The following ACSM3 variants were observed in gnomAD, a reference collection of about 807,000 sequenced individuals.
ACSM3 encodes the protein acyl-coenzyme A synthetase ACSM3, mitochondrial.
A neutral mutation model predicts 74.1 loss-of-function variants in ACSM3; 61 were observed. That is an observed-to-expected ratio of 0.82 (90% CI 0.67 to 1.02). ACSM3 has a LOEUF of 1.02. ACSM3 is among the 50% of genes least tolerant of loss of function. The pLI is 0.00. For synonymous variants in ACSM3, 213 were observed against 241.5 expected (o/e 0.88, Z 1.09); for missense variants, 660 against 697.0 (o/e 0.95, Z 0.60).
In ACSM3 at chr16:20,781,103, C is replaced by T. The variant is rs145742097; in HGVS notation, c.912C>T (p.Pro304=). Residue 304 remains proline, a synonymous_variant, in exon 6 of 14, where the codon CCC becomes CCT. Transcript: ENST00000289416. The part of the protein sequence containing the change: ...QGACVFTHHL[P]RFEPTSILQT... ...CATGTGTATTCACACACCATTTACC[C>T]CGTTTTGAGCCGACTTCTATCTTGC... 2.7e-4 allele frequency: 436 copies of T among 1,613,994 alleles called. 3 individuals carry two copies. In the African/African-American group the frequency reaches 5.2e-3, roughly 19 times the overall value.
intron 1 of ACSM3, among the ~76,000 whole-genome samples, chr16:20,725,788 A>G (rs2079802787): frequency 1.3e-5 from 2 of 152,186 alleles, no homozygotes; most frequent in Admixed American, 6.5e-5. Context: ...CCTGGCCAAC[A>G]TGGCAAAACC....
At chr16:20,718,067 G>A (rs949854136) in intron 1 of ACSM3, among the ~76,000 whole-genome samples, 1 of 151,676 alleles carries the variant, frequency 6.6e-6, no homozygotes, top group Non-Finnish European at 1.5e-5. Flanking sequence ...AAATTTTTTA[G>A]CAGGGACTGA....
chr16:20,708,824 A>G (rs1345066098), intron 1 of ACSM3, among the ~76,000 whole-genome samples: 1 of 152,276 alleles, frequency 6.6e-6, no homozygotes, highest in Non-Finnish European at 1.5e-5. Flanking sequence ...TGCTTGAACA[A>G]AAAGAGAAAA....
In ACSM3 at chr16:20,685,204, C is replaced by T. The variant is rs769415099; in HGVS notation, c.-190+10382C>T. 2 of 1,614,184 alleles carry T rather than the reference C, an allele frequency of 1.2e-6. No individual in the cohort carries two copies. Among genetic ancestry groups the T allele is most frequent in the East Asian group, 4.5e-5 (2 of 44,874 alleles). ...CTTGCATCACTGACCTGTTCGCATG[C>T]AGCCCACAGCCACCAGCCACCACTC... On this transcript the variant is annotated intron_variant, in intron 1 of 3. Coordinates refer to the ACSM3 transcript ENST00000561584.
intron 1 of ACSM3, among the ~76,000 whole-genome samples, chr16:20,689,699 T>C (rs2079618028): frequency 6.6e-6 from 1 of 152,242 alleles, no homozygotes; most frequent in Non-Finnish European, 1.5e-5. Context: ...TATATAGTAA[T>C]GTTCACCCAT....
chr16:20,700,648 T>C (rs2079710661), intron 1 of ACSM3, among the ~76,000 whole-genome samples: 1 of 151,850 alleles, frequency 6.6e-6, no homozygotes, highest in Non-Finnish European at 1.5e-5. Flanking sequence ...TTAAGGATCT[T>C]TATGGACATA....
chr16:20,703,739 C>G (rs2152362525), intron 1 of ACSM3: 1 of 152,354 alleles, frequency 6.6e-6, no homozygotes, highest in East Asian at 1.9e-4. Context: ...CCAGCCTGGT[C>G]TTGAACTTCT....
At position 20,790,924 on chromosome 16, in the gene ACSM3, G is replaced by A. The variant is rs1395933998; in HGVS notation, c.1326+236G>A. On this transcript the variant is annotated intron_variant, in intron 10 of 13. Coordinates refer to ENST00000289416, the MANE Select transcript of ACSM3 (RefSeq NM_005622.4). The surrounding 1 kb of genome is among the most constrained non-coding windows in gnomAD (Gnocchi z 4.0). Reference sequence around the variant, plus strand: ...TGTTCCAGGTCCACGAAGGCAAGAGGAAGGGACCCTAGAAAGAGGACAGCC... The same window carrying A: ...TGTTCCAGGTCCACGAAGGCAAGAGAAAGGGACCCTAGAAAGAGGACAGCC... 1 of 1,613,888 alleles carries A rather than the reference G, an allele frequency of 6.2e-7. No individual in the cohort carries two copies. The highest frequency in any genetic ancestry group is 1.1e-5 in the South Asian group (1 of 91,086).
intron 12 of ACSM3, among the ~76,000 whole-genome samples, chr16:20,794,075 T>G (rs2080666163): frequency 6.6e-6 from 1 of 152,158 alleles, no homozygotes; most frequent in Admixed American, 6.5e-5. Context: ...GTAGAAGATG[T>G]GAGTGGGTAT....
chr16:20,685,445 GA>G, intron 1 of ACSM3: 1 of 1,584,330 alleles, frequency 6.3e-7, no homozygotes, highest in Non-Finnish European at 8.7e-7. Context: ...CTGCTTCAAA[GA>G]AAAAGGGCAC....
intron 1 of ACSM3, chr16:20,729,373 A>G: frequency 7.5e-7 from 1 of 1,332,436 alleles, no homozygotes; most frequent in Non-Finnish European, 1.1e-6. Flanking sequence ...TAGATTTGCC[A>G]CTCTTAAGAG....
intron 12 of ACSM3, among the ~76,000 whole-genome samples, chr16:20,794,674 C>T (rs1391496130): frequency 2.0e-5 from 3 of 152,162 alleles, no homozygotes; most frequent in Admixed American, 6.5e-5. Context: ...AAGACTACAA[C>T]TAAGAGCTAA....
intron 9 of ACSM3, among the ~76,000 whole-genome samples, chr16:20,788,187 T>C (rs1280989601): frequency 1.3e-5 from 2 of 152,178 alleles, no homozygotes; most frequent in Non-Finnish European, 2.9e-5. Flanking sequence ...GGCTTAACAA[T>C]AGTTTGTTGG....
intron 1 of ACSM3, among the ~76,000 whole-genome samples, chr16:20,747,167 G>T (rs1248025266): frequency 6.6e-6 from 1 of 152,132 alleles, no homozygotes. Context: ...ACTATCTGCA[G>T]AGCCAGGGCC....
rs2080723754 is a variant in ACSM3, at chr16:20,796,357, A to G, written c.1555-13A>G. On this transcript the variant is annotated splice_polypyrimidine_tract_variant and intron_variant, in intron 12 of 13. Coordinates refer to ENST00000289416, the MANE Select transcript of ACSM3 (RefSeq NM_005622.4). ...ATAACTCATTTTCCTGGTGTTTCAA[A>G]TATTTATTTTAGGTAGTAAAGGCTT... is the stretch of plus-strand genomic sequence containing the variant. 2.5e-6 allele frequency: 4 copies of G among 1,601,654 alleles called. No homozygotes were observed. In the East Asian group the frequency reaches 6.7e-5, roughly 27 times the overall value.
chr16:20,762,701 C>T (rs990555796), upstream of ACSM3, among the ~76,000 whole-genome samples: 1 of 152,158 alleles, frequency 6.6e-6, no homozygotes, highest in Admixed American at 6.5e-5. Flanking sequence ...AGAAAAAACA[C>T]TTGCCAAAAT....
chr16:20,682,902 CT>C (rs957454942), intron 1 of ACSM3, among the ~76,000 whole-genome samples: 1 of 152,134 alleles, frequency 6.6e-6, no homozygotes, highest in East Asian at 1.9e-4. Context: ...AATGTCCCCT[CT>C]TTCCTTCATT....
chr16:20,769,179 T>C (rs1203620989), intron 1 of ACSM3, among the ~76,000 whole-genome samples: 2 of 152,208 alleles, frequency 1.3e-5, no homozygotes, highest in Non-Finnish European at 2.9e-5. Context: ...TGTAGGAAAT[T>C]TGGAAAATTA....
chr16:20,772,967 C>CAA (rs200907446), intron 2 of ACSM3, among the ~76,000 whole-genome samples: 4 of 81,412 alleles, frequency 4.9e-5, no homozygotes, highest in African/African-American at 1.4e-4. Context: ...GACTCCCTCT[C>CAA]AAAAAAAAAA....
Sources: gnomAD v4.1 joint callset for allele counts (sites outside exome capture counted in the v4.1 genomes callset) on GRCh38, gnomAD v4.1.1 for gene constraint, Gnocchi (gnomAD v3.1) non-coding constraint, MANE v1.5 for transcripts, NCBI Gene and HGNC (gene_info 2026-07-23, HGNC 2026-07-21) for gene names.